The following GRIN2B variants were observed in gnomAD, a reference collection of about 807,000 sequenced individuals.
The protein encoded by GRIN2B is glutamate receptor ionotropic, NMDA 2B.
Under a neutral mutation model 114.5 loss-of-function variants are expected in GRIN2B, and 5 were observed. That is an observed-to-expected ratio of 0.04 (90% CI 0.02 to 0.09). The LOEUF (loss-of-function observed/expected upper bound fraction) is 0.09, where lower values mean the gene tolerates loss of function less well. Among genes scored for constraint, GRIN2B ranks in the 10% least tolerant of loss-of-function variants. GRIN2B has a pLI of 1.00. For missense variants in GRIN2B, 1,108 were observed against 1,943.5 expected (o/e 0.57, Z 8.08); for synonymous variants, 787 against 745.1 (o/e 1.06, Z -0.92).
At chr12:13,662,862 T>C (rs1949937563) in intron 5 of GRIN2B, among the ~76,000 whole-genome samples, 1 of 152,182 alleles carries the variant, frequency 6.6e-6, no homozygotes, top group Non-Finnish European at 1.5e-5. Flanking sequence ...TTCAGTTTTA[T>C]TATAAAATTA....
intron 2 of GRIN2B, among the ~76,000 whole-genome samples, chr12:13,916,532 G>C (rs975431168): frequency 1.1e-4 from 17 of 152,154 alleles, no homozygotes; most frequent in African/African-American, 4.1e-4. Context: ...GGAATGGAAA[G>C]GAAAACTGAT....
At chr12:13,876,515 G>A (rs1865993152) in intron 2 of GRIN2B, among the ~76,000 whole-genome samples, 2 of 152,150 alleles carry the variant, frequency 1.3e-5, no homozygotes, top group African/African-American at 2.4e-5. Context: ...TAAAAAGTCT[G>A]TAAGTGACAA....
intron 2 of GRIN2B, among the ~76,000 whole-genome samples, chr12:13,927,110 C>T (rs1866932355): frequency 6.6e-6 from 1 of 152,022 alleles, no homozygotes; most frequent in Admixed American, 6.6e-5. Context: ...CAGAGACCAC[C>T]CAACATCTCA....
chr12:13,635,386 C>A (rs1303351291), intron 5 of GRIN2B, among the ~76,000 whole-genome samples: 4 of 152,170 alleles, frequency 2.6e-5, no homozygotes, highest in Non-Finnish European at 4.4e-5. Flanking sequence ...ATACTTATCT[C>A]ATTTCTCCCT....
At chr12:13,891,044 C>T (rs1866253665) in intron 2 of GRIN2B, among the ~76,000 whole-genome samples, 1 of 152,200 alleles carries the variant, frequency 6.6e-6, no homozygotes, top group South Asian at 2.1e-4. Context: ...GAGCCACCTT[C>T]AGCTGATTGC....
In GRIN2B at chr12:13,564,683, A is replaced by G. The variant is rs753107114; in HGVS notation, c.2599-44T>C. 7 of 1,559,146 alleles carry G rather than the reference A, an allele frequency of 4.5e-6. 1 individual carries two copies. In the Admixed American group the frequency reaches 8.3e-5, roughly 19 times the overall value. On this transcript the variant is annotated intron_variant, in intron 13 of 13. Coordinates refer to ENST00000609686, the MANE Select transcript of GRIN2B (RefSeq NM_000834.5). The surrounding 1 kb of genome is among the most constrained non-coding windows in gnomAD (Gnocchi z 4.8). ...GACAGGTTAGATCTCCAGAGAGGCT[A>G]GAAATGACCACAAAAAACACTCTCC...
At chr12:13,766,868 T>C (rs1012640438) in intron 3 of GRIN2B, among the ~76,000 whole-genome samples, 1 of 152,180 alleles carries the variant, frequency 6.6e-6, no homozygotes, top group African/African-American at 2.4e-5. Flanking sequence ...TTTTAATAAT[T>C]ATACACACTG....
At chr12:13,620,318 G>A (rs986067515) in intron 5 of GRIN2B, among the ~76,000 whole-genome samples, 1 of 152,206 alleles carries the variant, frequency 6.6e-6, no homozygotes, top group South Asian at 2.1e-4. Context: ...CCTGCTCACT[G>A]TAGCCGGATG....
At position 13,548,488 on chromosome 12, in the gene GRIN2B, C is replaced by G. The variant is rs971042306; in HGVS notation, c.*14295G>C. ...TCCTGCTATTTTCCCACCTCCCCCCCCCGATGAATATAGGTGTAGCAGAAG... is the reference window on the plus strand; with the variant it reads ...TCCTGCTATTTTCCCACCTCCCCCCGCCGATGAATATAGGTGTAGCAGAAG... On this transcript the variant is annotated 3_prime_UTR_variant, in exon 14 of 14. Coordinates refer to ENST00000609686, the MANE Select transcript of GRIN2B (RefSeq NM_000834.5). 7 of 151,924 alleles carry G rather than the reference C, an allele frequency of 4.6e-5. No individual in the cohort carries two copies. The highest frequency in any genetic ancestry group is 1.7e-4 in the African/African-American group (7 of 41,306). 9.4% of individuals were successfully genotyped at this position (151,924 alleles called of 1,614,324 possible).
At chr12:13,786,312 C>G (rs1042163653) in intron 3 of GRIN2B, among the ~76,000 whole-genome samples, 16 of 152,218 alleles carry the variant, frequency 1.1e-4, no homozygotes, top group Non-Finnish European at 1.9e-4. Context: ...AAAAATTCCA[C>G]CCAGTAACCC....
At position 13,557,393 on chromosome 12, in the gene GRIN2B, G is replaced by A. The variant is rs971997062; in HGVS notation, c.*5390C>T. The A allele has an allele frequency of 3.3e-5, 5 of 152,182 alleles. No individual in the cohort carries two copies. Among genetic ancestry groups the A allele is most frequent in the Admixed American group, 3.3e-4 (5 of 15,278 alleles). 9.4% of individuals were successfully genotyped at this position (152,182 alleles called of 1,614,324 possible). ...ATGGAGGTGGAAAGTATAGGATATA[G>A]ACCAACTCAGCTAATTGGAAGATTA... On this transcript the variant is annotated 3_prime_UTR_variant, in exon 14 of 14. Coordinates refer to ENST00000609686, the MANE Select transcript of GRIN2B (RefSeq NM_000834.5).
intron 10 of GRIN2B, among the ~76,000 whole-genome samples, chr12:13,580,722 T>C (rs553638507): frequency 4.4e-4 from 67 of 152,366 alleles, no homozygotes; most frequent in Non-Finnish European, 8.7e-4. Context: ...AATTATTGAC[T>C]TTTATTGTCA....
intron 10 of GRIN2B, among the ~76,000 whole-genome samples, chr12:13,576,708 A>C (rs1180611977): frequency 6.6e-6 from 1 of 152,048 alleles, no homozygotes; most frequent in African/African-American, 2.4e-5. Flanking sequence ...GTGAGCAACC[A>C]CACCTGGCTA....
intron 3 of GRIN2B, among the ~76,000 whole-genome samples, chr12:13,861,175 A>T (rs1403139235): frequency 6.6e-6 from 1 of 152,228 alleles, no homozygotes; most frequent in Non-Finnish European, 1.5e-5. Flanking sequence ...TGGAGACTAA[A>T]ACTCAGGGAT....
intron 2 of GRIN2B, among the ~76,000 whole-genome samples, chr12:13,881,959 T>C (rs1472197792): frequency 6.6e-6 from 1 of 152,010 alleles, no homozygotes; most frequent in East Asian, 1.9e-4. Context: ...CCTTTACCTC[T>C]GCACCTCATT....
intron 3 of GRIN2B, among the ~76,000 whole-genome samples, chr12:13,769,659 G>A (rs561337855): frequency 2.4e-4 from 37 of 152,348 alleles, no homozygotes; most frequent in African/African-American, 8.9e-4. Flanking sequence ...AATACTGTTT[G>A]CATCAGCAAG....
At chr12:13,687,138 A>C (rs1480054848) in intron 4 of GRIN2B, among the ~76,000 whole-genome samples, 1 of 152,188 alleles carries the variant, frequency 6.6e-6, no homozygotes, top group Non-Finnish European at 1.5e-5. Context: ...ATCAAAAAGT[A>C]AACCTTTTTC....
In GRIN2B at chr12:13,544,921, T is replaced by G. The variant is rs1023054575; in HGVS notation, c.*17862A>C. The G allele has an allele frequency of 5.9e-5, 9 of 152,240 alleles. No homozygotes were observed. The highest frequency in any genetic ancestry group is 4.6e-4 in the Admixed American group (7 of 15,282). 9.4% of individuals were successfully genotyped at this position (152,240 alleles called of 1,614,324 possible). A position where few individuals can be genotyped will look rare whatever the true frequency, so the allele number is the denominator to read the frequency against. Reference sequence around the variant, plus strand: ...ACACAGCAGTCCCAAAGCTTCCTCTTCAACTGAAGTCAGATCATATCACTC... The same window carrying G: ...ACACAGCAGTCCCAAAGCTTCCTCTGCAACTGAAGTCAGATCATATCACTC... On this transcript the variant is annotated 3_prime_UTR_variant, in exon 14 of 14. Coordinates refer to ENST00000609686, the MANE Select transcript of GRIN2B (RefSeq NM_000834.5).
intron 5 of GRIN2B, among the ~76,000 whole-genome samples, chr12:13,666,646 C>T (rs1241567175): frequency 6.6e-6 from 1 of 152,088 alleles, no homozygotes; most frequent in Non-Finnish European, 1.5e-5. Flanking sequence ...GCAGAGTTAA[C>T]ATGCCAAGGT....
Sources: gnomAD v4.1 joint callset for allele counts (sites outside exome capture counted in the v4.1 genomes callset) on GRCh38, gnomAD v4.1.1 for gene constraint, Gnocchi (gnomAD v3.1) non-coding constraint, MANE v1.5 for transcripts, NCBI Gene and HGNC (gene_info 2026-07-23, HGNC 2026-07-21) for gene names.